The following RPGR variants were observed in gnomAD, a reference collection of about 807,000 sequenced individuals.
RPGR encodes the protein retinitis pigmentosa GTPase regulator, also known as X-linked retinitis pigmentosa GTPase regulator.
RPGR carries 10 observed loss-of-function variants against 56.3 expected under a neutral mutation model. The ratio of observed to expected loss-of-function variants is 0.18; its 90% CI spans 0.11 to 0.30. The LOEUF (loss-of-function observed/expected upper bound fraction) is 0.30, where lower values mean the gene tolerates loss of function less well. Among genes scored for constraint, RPGR ranks in the 10% least tolerant of loss-of-function variants. RPGR has a pLI of 1.00. For synonymous variants in RPGR, 197 were observed against 212.9 expected, an observed-to-expected ratio of 0.93 and a Z score of 0.65; for missense variants, 538 against 590.9, an observed-to-expected ratio of 0.91 and a Z score of 0.93.
At chrX:38,313,646 T>C (rs1482881468) in intron 6 of RPGR, among the ~76,000 whole-genome samples, 3 of 111,895 alleles carry the variant, frequency 2.7e-5, no homozygotes, top group Non-Finnish European at 5.6e-5. Context: ...GAATTCTGAT[T>C]CTGCAACTCA....
At position 38,301,240 on chromosome X, in the gene RPGR, C is replaced by A; in HGVS notation, c.1059+7G>T. ...AAAATATAAACAGGGAAATGTGATG[C>A]CCTTACCAATTTAACTATAAACCTC... On this transcript the variant is annotated splice_region_variant and intron_variant, in intron 9 of 18. Transcript: ENST00000642395. The A allele has an allele frequency of 3.4e-6, 4 of 1,190,375 alleles. No individual in the cohort carries two copies. The highest frequency in any genetic ancestry group is 4.6e-6 in the Non-Finnish European group (4 of 878,189).
chrX:38,304,595 C>T (rs1215612965), intron 8 of RPGR, 40 bp downstream of exon 8: 1 of 1,034,707 alleles, frequency 9.7e-7, no homozygotes, highest in Non-Finnish European at 1.4e-6. Flanking sequence ...ATAAAATATA[C>T]CCAGTTCTAT....
In RPGR at chrX:38,287,553, A is replaced by G. The variant is rs2147202047; in HGVS notation, c.1753+308T>C. Reference sequence around the variant, plus strand: ...TTTCCCTTTTCTTAACAAAATCTTTATTTTCTTCACTCTCAGTATTCATAC... The same window carrying G: ...TTTCCCTTTTCTTAACAAAATCTTTGTTTTCTTCACTCTCAGTATTCATAC... On this transcript the variant is annotated intron_variant, in intron 14 of 18. Transcript: ENST00000642395. 3 of 505,612 alleles carry G rather than the reference A, an allele frequency of 5.9e-6. No homozygotes were observed. The East Asian group carries it at 1.1e-4, about 19-fold the overall frequency. The allele number at this position is 505,612 out of a possible 1,213,427, so 41.7% of individuals were successfully genotyped here.
At chrX:38,315,701 T>C (rs1296971450) in intron 6 of RPGR, among the ~76,000 whole-genome samples, 1 of 110,063 alleles carries the variant, frequency 9.1e-6, no homozygotes, top group Non-Finnish European at 1.9e-5. Context: ...GACAGTATCA[T>C]TGGATTGTTT....
chrX:38,324,395 C>T (rs779845950), intron 1 of RPGR, among the ~76,000 whole-genome samples: 3 of 110,740 alleles, frequency 2.7e-5, no homozygotes, highest in Admixed American at 9.6e-5. Context: ...CCATGACACC[C>T]GGCCAAAATG....
intron 13 of RPGR, among the ~76,000 whole-genome samples, chrX:38,290,257 C>T (rs183234947): frequency 2.7e-5 from 3 of 111,661 alleles, no homozygotes; most frequent in East Asian, 5.6e-4. Flanking sequence ...AATTTACTTT[C>T]CTAATCCTCT....
chrX:38,309,768 C>T (rs2067676852), intron 7 of RPGR, among the ~76,000 whole-genome samples: 1 of 110,956 alleles, frequency 9.0e-6, no homozygotes, highest in South Asian at 3.8e-4. Context: ...GCAGAGGCTG[C>T]AGTGAGCCAA....
chrX:38,323,347 T>C, intron 2 of RPGR, 52 bp downstream of exon 2: 1 of 1,071,659 alleles, frequency 9.3e-7, no homozygotes, highest in African/African-American at 1.8e-5. Context: ...TATAACAAAA[T>C]ATTTAGAATT....
chrX:38,327,476 A>T lies in RPGR; in HGVS notation c.-109T>A. 2 of 794,133 alleles carry T rather than the reference A, an allele frequency of 2.5e-6. No homozygotes were observed. The highest frequency in any genetic ancestry group is 3.5e-6 in the Non-Finnish European group (2 of 577,671). 65.4% of individuals were successfully genotyped at this position (794,133 alleles called of 1,213,427 possible). A position where few individuals can be genotyped will look rare whatever the true frequency, so the allele number is the denominator to read the frequency against. ...CCGACGCGGGCCGCGAAAGCCCCCA[A>T]GTTCCGCATGGCGAAACTCCGGAGA... On this transcript the variant is annotated 5_prime_UTR_variant, in exon 1 of 19. The change creates a new upstream start codon in the 5' untranslated region. Transcript: ENST00000642395.
chrX:38,323,401 G>A lies in RPGR; in HGVS notation c.152C>T (p.Thr51Ile). Residue 51 changes from threonine to isoleucine, a missense_variant and splice_region_variant, in exon 2 of 19, where the codon ACC becomes ATC. Around this residue, in one of 2 missense-constraint regions of RPGR, gnomAD observed 181 missense variants for 265.1 expected, o/e 0.68. Transcript: ENST00000642395. ...TTATTCAGGATTGTAATACTAACCGGTAACAACAGCAGAATGTTCATCTCC... is the reference window on the plus strand; with the variant it reads ...TTATTCAGGATTGTAATACTAACCGATAACAACAGCAGAATGTTCATCTCC... 1 of 1,204,596 alleles carries A rather than the reference G, an allele frequency of 8.3e-7. No individual in the cohort carries two copies. Among genetic ancestry groups the A allele is most frequent in the Non-Finnish European group, 1.1e-6 (1 of 889,765 alleles).
chrX:38,302,750 T>A (rs756695006), intron 8 of RPGR: 1 of 109,878 alleles, frequency 9.1e-6, no homozygotes, highest in Non-Finnish European at 1.9e-5. Context: ...ATAAGTAGAT[T>A]CCCTGTAAAT....
chrX:38,291,594 C>T, intron 11 of RPGR, 110 bp from the exon 12 acceptor site: 1 of 466,488 alleles, frequency 2.1e-6, no homozygotes, highest in East Asian at 3.9e-5. Context: ...TATAATTTTA[C>T]TAAAAGTCCT....
chrX:38,314,414 AG>A (rs1344918129), intron 6 of RPGR, among the ~76,000 whole-genome samples: 5 of 111,725 alleles, frequency 4.5e-5, no homozygotes, highest in Non-Finnish European at 9.4e-5. Context: ...TGGCTCTGAC[AG>A]CTACCTTCCC....
chrX:38,287,756 C>G (rs756418039), intron 14 of RPGR, 105 bp downstream of exon 14: 53 of 751,764 alleles, frequency 7.1e-5, no homozygotes, highest in Admixed American at 1.8e-4. Flanking sequence ...ATTTCCTTAG[C>G]ATCAAGTTGA....
chrX:38,315,746 AC>A (rs1476144784), intron 6 of RPGR, among the ~76,000 whole-genome samples: 1 of 107,033 alleles, frequency 9.3e-6, no homozygotes, highest in Non-Finnish European at 1.9e-5. Context: ...GGGGATGGAT[AC>A]CCCATTCTCC....
chrX:38,323,190 G>A (rs1250245658), intron 2 of RPGR, among the ~76,000 whole-genome samples: 1 of 111,874 alleles, frequency 8.9e-6, no homozygotes, highest in East Asian at 2.8e-4. Context: ...AAAGTTGTGT[G>A]TATAGAAAAT....
At chrX:38,286,524 C>A in intron 15 of RPGR, 13 of 1,023,707 alleles carry the variant, frequency 1.3e-5, no homozygotes, top group Non-Finnish European at 1.6e-5. Flanking sequence ...CCTCTTCCCT[C>A]TCTCCTTTCC....
intron 13 of RPGR, among the ~76,000 whole-genome samples, chrX:38,289,774 T>C (rs2067251208): frequency 8.9e-6 from 1 of 112,721 alleles, no homozygotes; most frequent in South Asian, 3.6e-4. Flanking sequence ...TTTCCGTTTC[T>C]GGCTGTTCTT....
intron 15 of RPGR, chrX:38,286,989 T>C: frequency 8.3e-7 from 1 of 1,210,261 alleles, no homozygotes. Flanking sequence ...TCTCCTCATC[T>C]TGCCAGTGTT....
Sources: allele counts gnomAD v4.1 joint callset (sites outside exome capture counted in the v4.1 genomes callset), GRCh38; gene constraint gnomAD v4.1.1; regional missense constraint gnomAD v4.1.1; transcripts MANE v1.5; gene names NCBI Gene and HGNC (gene_info 2026-07-23, HGNC 2026-07-21).